The following DISC1 variants were observed in gnomAD, a reference collection of about 807,000 sequenced individuals.
DISC1 encodes the protein disrupted in schizophrenia 1 protein.
Under a neutral mutation model 84.5 loss-of-function variants are expected in DISC1, and 57 were observed. The observed-to-expected ratio is 0.67, with a 90% CI of 0.55 to 0.84. The LOEUF (loss-of-function observed/expected upper bound fraction) is 0.84, where lower values mean the gene tolerates loss of function less well. DISC1 is among the 40% of genes least tolerant of loss of function. The pLI, the probability that DISC1 is intolerant of heterozygous loss-of-function variation, is 0.00. For synonymous variants in DISC1, 411 were observed against 415.2 expected, an observed-to-expected ratio of 0.99 and a Z score of 0.12; for missense variants, 1,000 against 1,057.8, an observed-to-expected ratio of 0.95 and a Z score of 0.76.
At chr1:231,793,243 C>T (rs2078487449) in intron 6 of DISC1, among the ~76,000 whole-genome samples, 1 of 152,182 alleles carries the variant, frequency 6.6e-6, no homozygotes, top group African/African-American at 2.4e-5. Flanking sequence ...ACTTTCCCTT[C>T]CCCTCCCAAC....
At chr1:231,787,133 C>T (rs1042050946) in intron 6 of DISC1, among the ~76,000 whole-genome samples, 4 of 152,162 alleles carry the variant, frequency 2.6e-5, no homozygotes, top group Admixed American at 2.6e-4. Flanking sequence ...CCCTAAGGGA[C>T]AGGATCTGGA....
chr1:231,674,032 C>T (rs373238235), intron 1 of DISC1, among the ~76,000 whole-genome samples: 5 of 152,318 alleles, frequency 3.3e-5, no homozygotes, highest in Non-Finnish European at 4.4e-5. Context: ...CTGGAGCTAG[C>T]ACTAACCAGC....
chr1:231,931,645 A>ATTTTTTTTTTTTTTTTTTT (rs10652394), intron 9 of DISC1, among the ~76,000 whole-genome samples: 1 of 137,942 alleles, frequency 7.2e-6, no homozygotes, highest in African/African-American at 2.7e-5. Context: ...ACTGCTTGTG[A>ATTTTTTTTTTTTTTTTTTT]TTTTTTTTTT....
At chr1:231,977,673 A>G (rs2102854229) in intron 10 of DISC1, among the ~76,000 whole-genome samples, 1 of 152,330 alleles carries the variant, frequency 6.6e-6, no homozygotes, top group East Asian at 1.9e-4. Context: ...GAACATGGAC[A>G]TATCTGGGGA....
chr1:231,658,129 A>G (rs914088928), intron 1 of DISC1, among the ~76,000 whole-genome samples: 11 of 152,130 alleles, frequency 7.2e-5, no homozygotes, highest in African/African-American at 2.7e-4. Context: ...ATGTTTCTCC[A>G]TTTGTTTGTG....
chr1:231,851,523 G>T (rs1426384467), intron 9 of DISC1, among the ~76,000 whole-genome samples: 1 of 152,234 alleles, frequency 6.6e-6, no homozygotes, highest in East Asian at 1.9e-4. Flanking sequence ...TCCGAAGGGG[G>T]TGGAAATGAG....
chr1:231,787,172 G>A (rs142733998), intron 6 of DISC1, among the ~76,000 whole-genome samples: 9 of 152,194 alleles, frequency 5.9e-5, no homozygotes, highest in African/African-American at 2.2e-4. Flanking sequence ...GTTAGTTGCT[G>A]TTAGATTGGG....
At chr1:231,648,486 C>T (rs541444323) in intron 1 of DISC1, among the ~76,000 whole-genome samples, 14 of 152,210 alleles carry the variant, frequency 9.2e-5, no homozygotes, top group South Asian at 2.1e-4. Context: ...ATTTTTGCAT[C>T]GACGTTCATC....
intron 9 of DISC1, among the ~76,000 whole-genome samples, chr1:231,835,855 G>T (rs1187895497): frequency 6.6e-6 from 1 of 152,128 alleles, no homozygotes; most frequent in Non-Finnish European, 1.5e-5. Flanking sequence ...GGCGTAGAAT[G>T]GATTTTAAAC....
Position 231,818,342 on chromosome 1 carries a change from G to T in DISC1, c.1806G>T (p.Trp602Cys). The T allele has an allele frequency of 6.2e-7, 1 of 1,613,922 alleles. No individual in the cohort carries two copies. Among genetic ancestry groups the T allele is most frequent in the South Asian group, 1.1e-5 (1 of 91,066 alleles). Residue 602 changes from tryptophan to cysteine, a missense_variant, in exon 9 of 13, where the codon TGG (tryptophan) becomes TGT (cysteine). Around this residue, in one of 3 missense-constraint regions of DISC1, gnomAD observed 397 missense variants for 377.5 expected, o/e 1.05. Coordinates refer to ENST00000439617, the MANE Select transcript of DISC1 (RefSeq NM_018662.3). ...KMHAISGNHF[W>C]TAKDLTEEIR... ...AACGTGCTGTAGGAAACCATTTCTGGACGGCTAAAGACCTCACCGAGGAGA... is the reference window on the plus strand; with the variant it reads ...AACGTGCTGTAGGAAACCATTTCTGTACGGCTAAAGACCTCACCGAGGAGA...
chr1:232,013,031 A>G (rs1668168749), intron 11 of DISC1, among the ~76,000 whole-genome samples: 1 of 152,160 alleles, frequency 6.6e-6, no homozygotes, highest in Non-Finnish European at 1.5e-5. Flanking sequence ...TGTTACAGAA[A>G]TTGAATGGGG....
chr1:231,952,109 A>AAAAAG (rs1274438405), intron 9 of DISC1, among the ~76,000 whole-genome samples: 7 of 150,118 alleles, frequency 4.7e-5, no homozygotes, highest in African/African-American at 1.5e-4. Flanking sequence ...AAAAAAAAAA[A>AAAAAG]AAAAGAAAAG....
intron 9 of DISC1, among the ~76,000 whole-genome samples, chr1:231,869,933 AG>A (rs2085338421): frequency 6.6e-6 from 1 of 152,188 alleles, no homozygotes; most frequent in South Asian, 2.1e-4. Context: ...ACCTGGGGAG[AG>A]CCCGTGTATG....
At chr1:231,644,141 G>A (rs947880264) in intron 1 of DISC1, among the ~76,000 whole-genome samples, 1 of 152,172 alleles carries the variant, frequency 6.6e-6, no homozygotes, top group Non-Finnish European at 1.5e-5. Flanking sequence ...TAATTTCAAT[G>A]ATCTGATTGC....
chr1:232,022,678 A>G, intron 11 of DISC1, among the ~76,000 whole-genome samples: 1 of 152,120 alleles, frequency 6.6e-6, no homozygotes, highest in East Asian at 1.9e-4. Flanking sequence ...AGAATTTTTT[A>G]CCAGATTGAT....
At chr1:231,665,154 C>T (rs989757773) in intron 1 of DISC1, among the ~76,000 whole-genome samples, 2 of 152,142 alleles carry the variant, frequency 1.3e-5, no homozygotes, top group Non-Finnish European at 2.9e-5. Context: ...TGGTAATAAT[C>T]GCTGCATTGC....
At chr1:231,768,445 C>T (rs2076316959) in intron 5 of DISC1, among the ~76,000 whole-genome samples, 1 of 152,204 alleles carries the variant, frequency 6.6e-6, no homozygotes, top group Admixed American at 6.5e-5. Flanking sequence ...AGCACTTACA[C>T]AGTCAATGTG....
At chr1:231,982,330 T>C (rs1663732266) in intron 10 of DISC1, among the ~76,000 whole-genome samples, 1 of 152,120 alleles carries the variant, frequency 6.6e-6, no homozygotes, top group Non-Finnish European at 1.5e-5. Context: ...CCTCCCTCCC[T>C]CTCTGCCTTC....
chr1:231,637,681 T>G (rs1259731884), intron 1 of DISC1, among the ~76,000 whole-genome samples: 1 of 152,270 alleles, frequency 6.6e-6, no homozygotes, highest in Non-Finnish European at 1.5e-5. Context: ...GAGTTCATTT[T>G]GTATGGCTGA....
Sources: gnomAD v4.1 joint callset for allele counts (sites outside exome capture counted in the v4.1 genomes callset) on GRCh38, gnomAD v4.1.1 for gene constraint, gnomAD v4.1.1 regional missense constraint, MANE v1.5 for transcripts, NCBI Gene and HGNC (gene_info 2026-07-23, HGNC 2026-07-21) for gene names.